Variants in RANGAP1 observed in about 807,000 individuals in gnomAD.
RANGAP1 encodes ran GTPase-activating protein 1.
Under a neutral mutation model 63.5 loss-of-function variants are expected in RANGAP1, and 38 were observed. The ratio of observed to expected loss-of-function variants is 0.60; its 90% CI spans 0.46 to 0.78. The LOEUF is 0.78. Among genes scored for constraint, RANGAP1 ranks in the 30% least tolerant of loss-of-function variants. RANGAP1 has a pLI of 0.00. For missense variants in RANGAP1, 630 were observed against 740.3 expected, an observed-to-expected ratio of 0.85 and a Z score of 1.73; for synonymous variants, 329 against 310.5, an observed-to-expected ratio of 1.06 and a Z score of -0.63.
the RANGAP1 span, among the ~76,000 whole-genome samples, chr22:41,296,861 A>G: frequency 6.6e-6 from 1 of 152,326 alleles, no homozygotes; most frequent in African/African-American, 2.4e-5. Flanking sequence ...TACAGTCAGC[A>G]GGCTAGAGAG....
chr22:41,276,080 T>C (rs1281743570), intron 2 of RANGAP1, among the ~76,000 whole-genome samples: 1 of 150,866 alleles, frequency 6.6e-6, no homozygotes, highest in Non-Finnish European at 1.5e-5. Flanking sequence ...CTTGGAAAAA[T>C]CTGTTATAGC....
chr22:41,269,876 C>T (rs375067755), intron 3 of RANGAP1, among the ~76,000 whole-genome samples: 20 of 152,228 alleles, frequency 1.3e-4, no homozygotes, highest in African/African-American at 4.6e-4. Context: ...CTGTCGCACC[C>T]AGGCTGGAGT....
rs752941201 is a variant in RANGAP1, at chr22:41,261,587, G to A, written c.481-7C>T. 9 of 1,614,108 alleles carry A rather than the reference G, an allele frequency of 5.6e-6. No homozygotes were observed. The highest frequency in any genetic ancestry group is 7.6e-6 in the Non-Finnish European group (9 of 1,180,058). ...TCAGAGCTGCAGCCAGGATCTGTGG[G>A]GAAAGGCAAGGGGCCCTGGTCATGG... On this transcript the variant is annotated splice_polypyrimidine_tract_variant and splice_region_variant and intron_variant, in intron 5 of 15. Transcript: ENST00000356244.
At chr22:41,272,228 G>A (rs143093000) in intron 3 of RANGAP1, among the ~76,000 whole-genome samples, 3 of 152,178 alleles carry the variant, frequency 2.0e-5, no homozygotes, top group African/African-American at 4.8e-5. Context: ...CACAGGTCTC[G>A]GGGAGGGCTG....
intron 3 of RANGAP1, 131 bp downstream of exon 3, chr22:41,274,469 G>T: frequency 7.3e-7 from 1 of 1,375,170 alleles, no homozygotes; most frequent in African/African-American, 1.4e-5. Flanking sequence ...GAGGCCAGAG[G>T]AAGAGGAGCT....
Position 41,281,016 on chromosome 22 carries a change from G to C in RANGAP1, c.29C>G (p.Ala10Gly). MASEDIAKL[A>G]ETLAKTQVAG... ...CACCTGAGTCTTGGCAAGTGTCTCT[G>C]CCAGCTTGGCAATGTCTTCCGAGGC... The change falls in exon 2 of 16, where the codon GCA (alanine) becomes GGA (glycine). Residue 10 changes from alanine to glycine, a missense_variant. By Grantham distance (60) the Ala-to-Gly change is moderately conservative. This residue lies in a region of RANGAP1 where 65 missense variants were observed against 60.5 expected (regional missense o/e 1.07). Transcript: ENST00000356244. The C allele has an allele frequency of 6.2e-7, 1 of 1,610,236 alleles. No homozygotes were observed. Among genetic ancestry groups the C allele is most frequent in the Non-Finnish European group, 8.5e-7 (1 of 1,178,316 alleles).
chr22:41,289,083 C>A (rs1383833634), upstream of RANGAP1, among the ~76,000 whole-genome samples: 1 of 151,580 alleles, frequency 6.6e-6, no homozygotes, highest in Non-Finnish European at 1.5e-5. Flanking sequence ...CCACCACGCC[C>A]GGCTAATTTT....
chr22:41,297,686 CTT>C, the RANGAP1 span, among the ~76,000 whole-genome samples: 16,043 of 91,534 alleles, frequency 0.18, 824 homozygotes, highest in Admixed American at 0.27. Context: ...CCACACCTGG[CTT>C]TTTTTTTTTT....
the RANGAP1 span, among the ~76,000 whole-genome samples, chr22:41,298,607 G>A: frequency 6.7e-6 from 1 of 149,156 alleles, no homozygotes; most frequent in African/African-American, 2.5e-5. Context: ...GAGCCACCAC[G>A]CCCGGCCTCG....
intron 5 of RANGAP1, among the ~76,000 whole-genome samples, chr22:41,263,688 C>T (rs945236109): frequency 9.8e-5 from 15 of 152,306 alleles, no homozygotes; most frequent in African/African-American, 3.1e-4. Context: ...CCACCGTGCC[C>T]GGCCCATTTT....
In RANGAP1 at chr22:41,272,521, ATTT is replaced by A. The variant is rs756974764; in HGVS notation, c.240+2076_240+2078del. 1.9e-3 allele frequency among the ~76,000 whole-genome samples: 286 copies of A among 148,952 alleles called. 1 individual carries two copies. The highest frequency in any genetic ancestry group is 1.7e-3 in the South Asian group (8 of 4,622). Reference sequence around the variant, plus strand: ...TGTGTGGCTTGGCCACATCTCTGCTATTTTTTTTTCTTTTTTTTGAGATGGAGT... The same window carrying A: ...TGTGTGGCTTGGCCACATCTCTGCTATTTTTTCTTTTTTTTGAGATGGAGT... On this transcript the variant is annotated intron_variant, in intron 3 of 15. Coordinates refer to ENST00000356244, the MANE Select transcript of RANGAP1 (RefSeq NM_002883.4).
chr22:41,279,013 G>T (rs2035325236), intron 2 of RANGAP1, among the ~76,000 whole-genome samples: 1 of 152,162 alleles, frequency 6.6e-6, no homozygotes, highest in African/African-American at 2.4e-5. Context: ...CGTGGTGGCG[G>T]GCGCCTGTAG....
chr22:41,260,009 A>AC (rs2034071566), intron 6 of RANGAP1, among the ~76,000 whole-genome samples: 2 of 125,236 alleles, frequency 1.6e-5, no homozygotes, highest in Admixed American at 1.5e-4. Context: ...CTGCCTCAAT[A>AC]AAATTTTTTT....
At chr22:41,281,520 C>T in intron 1 of RANGAP1, 1 of 990,774 alleles carries the variant, frequency 1.0e-6, no homozygotes, top group East Asian at 1.1e-4. Flanking sequence ...ACACAGATGG[C>T]TATGGGATCC....
At position 41,254,619 on chromosome 22, in the gene RANGAP1, G is replaced by A; in HGVS notation, c.1074-125C>T. On this transcript the variant is annotated intron_variant, in intron 10 of 15. Coordinates refer to ENST00000356244, the MANE Select transcript of RANGAP1 (RefSeq NM_002883.4). ...AGGGAGAGAGCCTGGTGGGGTGGGA[G>A]CACCTGCTCCCAGGGCAGGGGCAGG... The A allele has an allele frequency of 2.7e-6, 4 of 1,482,928 alleles. No individual in the cohort carries two copies. The South Asian group carries it at 4.2e-5, about 15-fold the overall frequency. 91.9% of individuals were successfully genotyped at this position (1,482,928 alleles called of 1,614,324 possible).
intron 5 of RANGAP1, among the ~76,000 whole-genome samples, chr22:41,262,554 C>T (rs903333377): frequency 6.6e-6 from 1 of 152,096 alleles, no homozygotes; most frequent in African/African-American, 2.4e-5. Flanking sequence ...CCGCACATGG[C>T]GGGTGGGTTG....
In RANGAP1 at chr22:41,253,806, T is replaced by C. The variant is rs575842759; in HGVS notation, c.1260+502A>G. Among the ~76,000 whole-genome samples the C allele has an allele frequency of 3.6e-4, 55 of 152,232 alleles. No homozygotes were observed. In the South Asian group the frequency reaches 5.2e-3, roughly 14 times the overall value. ...AAATAGACATTTATATTGGGGTAAA[T>C]AGAAATATAGGTAACTATGGCTGGG... is the stretch of plus-strand genomic sequence containing the variant. On this transcript the variant is annotated intron_variant, in intron 11 of 15. Coordinates refer to ENST00000356244, the MANE Select transcript of RANGAP1 (RefSeq NM_002883.4).
At chr22:41,256,388 G>T in intron 8 of RANGAP1, 98 bp from the exon 9 acceptor site, 2 of 1,246,248 alleles carry the variant, frequency 1.6e-6, no homozygotes, top group Non-Finnish European at 2.3e-6. Flanking sequence ...GATATGGCAG[G>T]CTCTGTCCTC....
At chr22:41,294,115 G>C in the RANGAP1 span, among the ~76,000 whole-genome samples, 3 of 152,170 alleles carry the variant, frequency 2.0e-5, no homozygotes, top group Admixed American at 2.0e-4. Context: ...GAAGCTGGAC[G>C]GTACTGCTGC....
Sources: gnomAD v4.1 joint callset for allele counts (sites outside exome capture counted in the v4.1 genomes callset) on GRCh38, gnomAD v4.1.1 for gene constraint, gnomAD v4.1.1 regional missense constraint, MANE v1.5 for transcripts, NCBI Gene and HGNC (gene_info 2026-07-23, HGNC 2026-07-21) for gene names.